MTUS2: variants seen among roughly 807,000 people sequenced by gnomAD.
MTUS2 encodes microtubule-associated tumor suppressor candidate 2.
Under a neutral mutation model 114.1 loss-of-function variants are expected in MTUS2, and 40 were observed. The ratio of observed to expected loss-of-function variants is 0.35; its 90% CI spans 0.27 to 0.46. The LOEUF is 0.46. MTUS2 is among the 20% of genes least tolerant of loss of function. MTUS2 has a pLI of 1.00. For synonymous variants in MTUS2, 688 were observed against 672.0 expected (o/e 1.02, Z -0.37); for missense variants, 1,679 against 1,705.4 (o/e 0.98, Z 0.27).
intron 2 of MTUS2, among the ~76,000 whole-genome samples, chr13:28,991,188 C>T (rs1884835324): frequency 6.6e-6 from 1 of 152,192 alleles, no homozygotes; most frequent in African/African-American, 2.4e-5. Context: ...AAGACTGCTG[C>T]TATGTTAAGG....
intron 5 of MTUS2, among the ~76,000 whole-genome samples, chr13:29,125,508 C>A (rs924291476): frequency 6.6e-6 from 1 of 152,196 alleles, no homozygotes; most frequent in Non-Finnish European, 1.5e-5. Context: ...TCATTTCTAG[C>A]TACTTTATTG....
chr13:29,160,183 G>A (rs917266284), intron 5 of MTUS2, among the ~76,000 whole-genome samples: 3 of 152,292 alleles, frequency 2.0e-5, no homozygotes, highest in African/African-American at 7.2e-5. Context: ...ACAAACCACA[G>A]TTGACCCTTG....
chr13:29,068,970 G>C (rs950825669), intron 4 of MTUS2, among the ~76,000 whole-genome samples: 19 of 152,198 alleles, frequency 1.2e-4, no homozygotes, highest in African/African-American at 4.3e-4. Flanking sequence ...AGACAGGAGT[G>C]GAGTAGGGTA....
intron 7 of MTUS2, among the ~76,000 whole-genome samples, chr13:29,342,265 G>A (rs1240100746): frequency 2.0e-5 from 3 of 152,124 alleles, no homozygotes; most frequent in Non-Finnish European, 2.9e-5. Context: ...TCACAATATT[G>A]ATTCTACCCA....
chr13:29,238,054 A>C (rs73449378), intron 5 of MTUS2, among the ~76,000 whole-genome samples: 2,692 of 152,340 alleles, frequency 0.018, 84 homozygotes, highest in African/African-American at 0.061. Flanking sequence ...CAGCAACCTC[A>C]TGACAGGGTA....
At chr13:29,192,705 T>C (rs542700548) in intron 5 of MTUS2, among the ~76,000 whole-genome samples, 73 of 152,362 alleles carry the variant, frequency 4.8e-4, no homozygotes, top group East Asian at 3.9e-3. Context: ...AAAAAACTTA[T>C]GATTCGCCTA....
chr13:28,913,056 A>C (rs967407301), intron 2 of MTUS2, among the ~76,000 whole-genome samples: 1 of 152,266 alleles, frequency 6.6e-6, no homozygotes, highest in South Asian at 2.1e-4. Context: ...TGTCATTTGC[A>C]AACAAAGATA....
chr13:29,151,485 G>A (rs938191753), intron 5 of MTUS2, among the ~76,000 whole-genome samples: 2 of 152,122 alleles, frequency 1.3e-5, no homozygotes, highest in African/African-American at 4.8e-5. Context: ...TCAGTGAAGA[G>A]GGATAATTTG....
chr13:28,894,947 G>A (rs542876323), intron 2 of MTUS2, among the ~76,000 whole-genome samples: 150 of 152,262 alleles, frequency 9.9e-4, no homozygotes, highest in South Asian at 3.9e-3. Flanking sequence ...CAATTTTGGG[G>A]ACCACAGTAG....
At chr13:29,206,007 A>G (rs1895169591) in intron 5 of MTUS2, among the ~76,000 whole-genome samples, 1 of 152,144 alleles carries the variant, frequency 6.6e-6, no homozygotes. Context: ...AGTGGTTTGT[A>G]CTAGTTTACA....
intron 6 of MTUS2, among the ~76,000 whole-genome samples, chr13:29,324,154 C>G (rs1023031762): frequency 6.6e-6 from 1 of 152,200 alleles, no homozygotes; most frequent in African/African-American, 2.4e-5. Flanking sequence ...TAATTAGAGT[C>G]AGACCATGTC....
chr13:29,390,694 C>T (rs774497788), intron 8 of MTUS2, among the ~76,000 whole-genome samples: 3 of 151,198 alleles, frequency 2.0e-5, no homozygotes, highest in Non-Finnish European at 2.9e-5. Flanking sequence ...ATTAGGGTCC[C>T]CGTTGGGGTA....
intron 5 of MTUS2, among the ~76,000 whole-genome samples, chr13:29,162,314 C>T (rs1323948798): frequency 6.6e-6 from 1 of 152,160 alleles, no homozygotes; most frequent in African/African-American, 2.4e-5. Flanking sequence ...TGTACATACT[C>T]TATTAATTAT....
intron 5 of MTUS2, among the ~76,000 whole-genome samples, chr13:29,135,555 G>A (rs1891943573): frequency 1.3e-5 from 2 of 152,046 alleles, no homozygotes; most frequent in East Asian, 3.8e-4. Flanking sequence ...GAAGGACTGA[G>A]TTCTGCCATT....
At chr13:29,213,361 T>G (rs567993978) in intron 5 of MTUS2, among the ~76,000 whole-genome samples, 50 of 152,252 alleles carry the variant, frequency 3.3e-4, no homozygotes, top group Admixed American at 5.9e-4. Context: ...GGTCAAGTTG[T>G]TTGATAGCAT....
intron 5 of MTUS2, among the ~76,000 whole-genome samples, chr13:29,129,389 G>A (rs113660348): frequency 0.024 from 3,651 of 152,038 alleles, 144 homozygotes; most frequent in African/African-American, 0.083. Context: ...AACCTTTCCC[G>A]AAGGTTGGAT....
chr13:28,990,420 G>A (rs1566274007), intron 2 of MTUS2, among the ~76,000 whole-genome samples: 1 of 152,162 alleles, frequency 6.6e-6, no homozygotes, highest in African/African-American at 2.4e-5. Flanking sequence ...CTGTCTAGCA[G>A]AAGGATTGTA....
At chr13:29,221,140 G>A (rs530677091) in intron 5 of MTUS2, among the ~76,000 whole-genome samples, 5 of 152,312 alleles carry the variant, frequency 3.3e-5, no homozygotes, top group Admixed American at 3.3e-4. Flanking sequence ...ACCTGCCTGT[G>A]CATCTAGAAC....
intron 14 of MTUS2, among the ~76,000 whole-genome samples, chr13:29,500,603 C>T (rs1882821758): frequency 6.6e-6 from 1 of 152,138 alleles, no homozygotes; most frequent in South Asian, 2.1e-4. Context: ...GATTTCCTCC[C>T]TCCATTGATT....
Sources: allele counts gnomAD v4.1 joint callset (sites outside exome capture counted in the v4.1 genomes callset), GRCh38; gene constraint gnomAD v4.1.1; transcripts MANE v1.5; gene names NCBI Gene and HGNC (gene_info 2026-07-23, HGNC 2026-07-21).